The following KCNH1 variants were observed in gnomAD, a reference collection of about 807,000 sequenced individuals.
The protein encoded by KCNH1 is voltage-gated delayed rectifier potassium channel KCNH1.
A neutral mutation model predicts 69.2 loss-of-function variants in KCNH1; 27 were observed. The ratio of observed to expected loss-of-function variants is 0.39; its 90% CI spans 0.29 to 0.54. The LOEUF (loss-of-function observed/expected upper bound fraction) is 0.54. Ranked by LOEUF, KCNH1 falls within the 20% of genes least tolerant of loss-of-function variation. The pLI, the probability that KCNH1 is intolerant of heterozygous loss-of-function variation, is 0.68. For synonymous variants in KCNH1, 456 were observed against 487.7 expected (o/e 0.93, Z 0.86); for missense variants, 798 against 1,261.6 (o/e 0.63, Z 5.57).
At chr1:210,946,832 C>G (rs1687967361) in intron 6 of KCNH1, among the ~76,000 whole-genome samples, 1 of 152,116 alleles carries the variant, frequency 6.6e-6, no homozygotes, top group Non-Finnish European at 1.5e-5. Context: ...CAAATGATGT[C>G]TCTTCTCACT....
intron 5 of KCNH1, among the ~76,000 whole-genome samples, chr1:211,078,945 A>AGAAG (rs1488512224): frequency 6.6e-6 from 1 of 151,086 alleles, no homozygotes; most frequent in Non-Finnish European, 1.5e-5. Flanking sequence ...AAAGAAAGAA[A>AGAAG]GAAAGAAATA....
intron 6 of KCNH1, among the ~76,000 whole-genome samples, chr1:210,965,581 T>C (rs916859054): frequency 6.6e-6 from 1 of 150,896 alleles, no homozygotes; most frequent in Non-Finnish European, 1.5e-5. Context: ...TACTACCAAC[T>C]ATACACCAAT....
chr1:211,130,987 A>C (rs948046740), intron 1 of KCNH1, among the ~76,000 whole-genome samples: 3 of 152,156 alleles, frequency 2.0e-5, no homozygotes, highest in South Asian at 2.1e-4. Flanking sequence ...TTTAATCTCC[A>C]CTGGGAAATT....
chr1:210,918,062 C>T (rs1249335325), intron 7 of KCNH1, among the ~76,000 whole-genome samples: 1 of 152,180 alleles, frequency 6.6e-6, no homozygotes, highest in Non-Finnish European at 1.5e-5. Flanking sequence ...TCCTTAAATA[C>T]TCTCAGGAAA....
intron 5 of KCNH1, among the ~76,000 whole-genome samples, chr1:211,031,924 G>C (rs1346609204): frequency 1.3e-5 from 2 of 152,116 alleles, no homozygotes; most frequent in African/African-American, 2.4e-5. Context: ...AATCAGGCAG[G>C]AGAAGGAAAT....
At chr1:211,006,817 T>C (rs1689294803) in intron 6 of KCNH1, among the ~76,000 whole-genome samples, 2 of 152,144 alleles carry the variant, frequency 1.3e-5, no homozygotes, top group South Asian at 4.1e-4. Context: ...TGTATAATCA[T>C]TTAAGTTTCT....
At chr1:210,910,260 A>G (rs1687201642) in intron 7 of KCNH1, among the ~76,000 whole-genome samples, 1 of 132,228 alleles carries the variant, frequency 7.6e-6, no homozygotes, top group Non-Finnish European at 1.6e-5. Flanking sequence ...AAACAGTCAG[A>G]GGTGGTCATC....
chr1:210,693,565 A>T (rs17188472), intron 10 of KCNH1, among the ~76,000 whole-genome samples: 1 of 152,172 alleles, frequency 6.6e-6, no homozygotes, highest in South Asian at 2.1e-4. Flanking sequence ...AACATGGCCC[A>T]CTTCTAGACA....
chr1:210,804,813 G>A (rs1274564346), intron 7 of KCNH1, among the ~76,000 whole-genome samples: 3 of 152,200 alleles, frequency 2.0e-5, no homozygotes, highest in Non-Finnish European at 4.4e-5. Context: ...TACTGTTAGT[G>A]CAACAATCTG....
intron 5 of KCNH1, among the ~76,000 whole-genome samples, chr1:211,064,289 G>A (rs866268866): frequency 1.3e-5 from 2 of 152,176 alleles, no homozygotes; most frequent in African/African-American, 4.8e-5. Flanking sequence ...GGCCGGGCAC[G>A]GTGGCTCACG....
rs76573554 is a variant in KCNH1, at chr1:210,814,752, A to C, written c.1463-10586T>G. Among the ~76,000 whole-genome samples the C allele has an allele frequency of 7.7e-3, 1,173 of 152,340 alleles. 9 individuals carry two copies. The highest frequency in any genetic ancestry group is 0.027 in the African/African-American group (1,120 of 41,582). On this transcript the variant is annotated intron_variant, in intron 7 of 10. Transcript: ENST00000271751. ...ATGGAACAGATTCACAGTAAATCTT[A>C]GTTTTCTTTCCTGAACCACCCAGTG...
intron 7 of KCNH1, among the ~76,000 whole-genome samples, chr1:210,840,878 G>A (rs974311970): frequency 1.3e-5 from 2 of 152,142 alleles, no homozygotes; most frequent in African/African-American, 4.8e-5. Flanking sequence ...TGATGGTATA[G>A]TTTACACTGT....
rs117136026 is a variant in KCNH1 at position 211,117,791 on chromosome 1, T to C, written c.80-10414A>G. ...GGATCTGGTGGGGGACAGGGTCAAC[T>C]AAATCTCCATGCTTCTGGCAGCAAT... On this transcript the variant is annotated intron_variant, in intron 1 of 10. Transcript: ENST00000271751. Among the ~76,000 whole-genome samples the C allele has an allele frequency of 6.6e-5, 10 of 152,236 alleles. No homozygotes were observed. The East Asian group carries it at 1.5e-3, about 23-fold the overall frequency.
chr1:210,709,699 AAAAG>A (rs202236869), intron 10 of KCNH1, among the ~76,000 whole-genome samples: 3,377 of 150,018 alleles, frequency 0.023, 43 homozygotes, highest in Middle Eastern at 0.051. Context: ...CAAAGAGAGA[AAAAG>A]AAAGAGAAAG....
intron 7 of KCNH1, among the ~76,000 whole-genome samples, chr1:210,910,522 C>T (rs1185976559): frequency 6.6e-6 from 1 of 152,240 alleles, no homozygotes; most frequent in Non-Finnish European, 1.5e-5. Flanking sequence ...CAGCATTCAG[C>T]TCCCAGGTCC....
chr1:210,723,404 T>G (rs1158683173), intron 10 of KCNH1, among the ~76,000 whole-genome samples: 2 of 152,060 alleles, frequency 1.3e-5, no homozygotes, highest in Non-Finnish European at 2.9e-5. Flanking sequence ...AGATCCCTAC[T>G]ACTTAGATCC....
rs770757416 is a variant in KCNH1, at chr1:211,133,835, C to T, written c.79+32G>A. On this transcript the variant is annotated intron_variant, in intron 1 of 10. Coordinates refer to ENST00000271751, the MANE Select transcript of KCNH1 (RefSeq NM_172362.3). The surrounding 1 kb of genome is among the most constrained non-coding windows in gnomAD (Gnocchi z 5.4). ...TGCAATAAAGGCACGGATAAAACGC[C>T]CGGGTAATCGAAATCCGAATGCACC... 1.3e-6 allele frequency: 2 copies of T among 1,592,942 alleles called. No individual in the cohort carries two copies. The highest frequency in any genetic ancestry group is 2.3e-5 in the East Asian group (1 of 43,254).
At chr1:211,013,564 A>G (rs1214131752) in intron 6 of KCNH1, among the ~76,000 whole-genome samples, 1 of 152,230 alleles carries the variant, frequency 6.6e-6, no homozygotes, top group East Asian at 1.9e-4. Context: ...CTGAAGAGAC[A>G]GCATGACCCG....
chr1:210,756,634 T>C (rs1683406117), intron 10 of KCNH1, among the ~76,000 whole-genome samples: 1 of 152,130 alleles, frequency 6.6e-6, no homozygotes, highest in Admixed American at 6.5e-5. Context: ...AGTGAAAAGT[T>C]TGAGGAGCCA....
Sources: allele counts gnomAD v4.1 joint callset (sites outside exome capture counted in the v4.1 genomes callset), GRCh38; gene constraint gnomAD v4.1.1; non-coding constraint Gnocchi (gnomAD v3.1); transcripts MANE v1.5; gene names NCBI Gene and HGNC (gene_info 2026-07-23, HGNC 2026-07-21).